DOCK8: variants seen among roughly 807,000 people sequenced by gnomAD.
DOCK8 encodes dedicator of cytokinesis protein 8.
A neutral mutation model predicts 245.6 loss-of-function variants in DOCK8; 141 were observed. The ratio of observed to expected loss-of-function variants is 0.57; its 90% CI spans 0.50 to 0.66. The LOEUF (loss-of-function observed/expected upper bound fraction) is 0.66, where lower values mean the gene tolerates loss of function less well. Among genes scored for constraint, DOCK8 ranks in the 30% least tolerant of loss-of-function variants. DOCK8 has a pLI of 0.00. For missense variants in DOCK8, 2,965 were observed against 2,603.4 expected (o/e 1.14, Z -3.02); for synonymous variants, 1,168 against 970.2 (o/e 1.20, Z -3.79).
At chr9:310,973 A>C (rs2050082463) in intron 5 of DOCK8, among the ~76,000 whole-genome samples, 1 of 152,134 alleles carries the variant, frequency 6.6e-6, no homozygotes, top group African/African-American at 2.4e-5. Context: ...CATATTAGAT[A>C]GCAGCCAAAA....
chr9:310,693 TCA>T, intron 5 of DOCK8, among the ~76,000 whole-genome samples: 2 of 152,246 alleles, frequency 1.3e-5, no homozygotes, highest in African/African-American at 4.8e-5. Context: ...ACTCCTGACC[TCA>T]GGTGATCCGC....
chr9:433,745 C>T (rs897491005), intron 37 of DOCK8, 130 bp from the exon 38 acceptor site: 43 of 761,038 alleles, frequency 5.7e-5, no homozygotes, highest in African/African-American at 1.4e-4. Context: ...TAGATGACTC[C>T]GCCATCCCTA....
chr9:311,278 C>T (rs1228798557), intron 5 of DOCK8, among the ~76,000 whole-genome samples: 3 of 139,978 alleles, frequency 2.1e-5, no homozygotes, highest in African/African-American at 5.7e-5. Flanking sequence ...CAGCAAGACT[C>T]GGTCTTTAAA....
Position 328,170 on chromosome 9 carries a change from A to G in DOCK8, c.1043A>G (p.Lys348Arg), listed in dbSNP as rs750791510. 23 of 1,613,372 alleles carry G rather than the reference A, an allele frequency of 1.4e-5. No individual in the cohort carries two copies. Among genetic ancestry groups the G allele is most frequent in the East Asian group, 1.1e-4 (5 of 44,832 alleles). Residue 348 changes from lysine (K) to arginine (R), a missense_variant and splice_region_variant, in exon 9 of 48, where the codon AAG becomes AGG. Coordinates refer to ENST00000432829, the MANE Select transcript of DOCK8 (RefSeq NM_203447.4). ...YPSSDIYLVVKIEKVLQQGEI... is the reference protein window; with the variant it reads ...YPSSDIYLVVRIEKVLQQGEI... The stretch of plus-strand genomic sequence containing the variant: ...TCCTCAGACATCTACCTGGTAGTCA[A>G]GGTAATTCAGTACGATCTGATTTGC...
intron 1 of DOCK8, among the ~76,000 whole-genome samples, chr9:242,589 C>T (rs975478609): frequency 6.6e-6 from 1 of 152,142 alleles, no homozygotes; most frequent in Non-Finnish European, 1.5e-5. Flanking sequence ...TAAGAGTGTT[C>T]TTATTCTCCC....
At chr9:297,663 T>A (rs775211209) in intron 4 of DOCK8, among the ~76,000 whole-genome samples, 2 of 152,144 alleles carry the variant, frequency 1.3e-5, no homozygotes, top group African/African-American at 2.4e-5. Context: ...CAGTGATGGT[T>A]CCTTCTGTGG....
At chr9:435,039 G>A in intron 39 of DOCK8, 64 bp downstream of exon 39, 1 of 1,584,860 alleles carries the variant, frequency 6.3e-7, no homozygotes, top group Non-Finnish European at 8.6e-7. Flanking sequence ...TTGTCCCCCA[G>A]CCCCAGGGAC....
At chr9:448,011 A>C (rs2131853172) in intron 44 of DOCK8, among the ~76,000 whole-genome samples, 1 of 86,324 alleles carries the variant, frequency 1.2e-5, no homozygotes, top group East Asian at 2.2e-3. Context: ...GCATTTCAAA[A>C]CCTTTTCTTT....
intron 26 of DOCK8, among the ~76,000 whole-genome samples, chr9:400,064 T>TC (rs2054724132): frequency 6.2e-5 from 1 of 16,220 alleles, no homozygotes; most frequent in African/African-American, 3.7e-4. Flanking sequence ...ACCACCTCCT[T>TC]CACCATCACC....
intron 2 of DOCK8, among the ~76,000 whole-genome samples, chr9:278,387 C>T (rs528704500): frequency 2.0e-5 from 3 of 152,354 alleles, no homozygotes; most frequent in African/African-American, 4.8e-5. Flanking sequence ...CTTACTCATT[C>T]GTTTTAGAAA....
At chr9:398,494 C>A (rs1433258439) in intron 25 of DOCK8, among the ~76,000 whole-genome samples, 2 of 152,150 alleles carry the variant, frequency 1.3e-5, no homozygotes, top group South Asian at 2.1e-4. Flanking sequence ...TCCCAGATTG[C>A]TCTGAAGCAC....
intron 1 of DOCK8, among the ~76,000 whole-genome samples, chr9:258,345 T>C (rs2047830261): frequency 8.0e-6 from 1 of 124,932 alleles, no homozygotes. Flanking sequence ...ATATACAGCA[T>C]GTGGCCTCTA....
At chr9:412,784 G>A (rs1224452007) in intron 28 of DOCK8, among the ~76,000 whole-genome samples, 1 of 151,358 alleles carries the variant, frequency 6.6e-6, no homozygotes, top group Non-Finnish European at 1.5e-5. Flanking sequence ...GATATCATAT[G>A]TTCATGAATC....
At chr9:235,491 C>A (rs995460775) in intron 1 of DOCK8, among the ~76,000 whole-genome samples, 1 of 152,220 alleles carries the variant, frequency 6.6e-6, no homozygotes, top group Non-Finnish European at 1.5e-5. Context: ...GCCCTGCCCC[C>A]AGAAGTGGAG....
intron 37 of DOCK8, among the ~76,000 whole-genome samples, 190 bp downstream of exon 37, chr9:432,514 A>G (rs2056755967): frequency 6.6e-6 from 1 of 152,220 alleles, no homozygotes; most frequent in Admixed American, 6.5e-5. Flanking sequence ...CACTGTCCCC[A>G]GTCTCAATAT....
chr9:370,198 G>C (rs746873308), intron 15 of DOCK8, 32 bp from the exon 16 acceptor site: 1 of 1,579,146 alleles, frequency 6.3e-7, no homozygotes, highest in African/African-American at 1.3e-5. Flanking sequence ...AAATGTTACT[G>C]ATAATTTGAT....
chr9:215,359 C>G (rs574415968), intron 1 of DOCK8: 1 of 1,598,784 alleles, frequency 6.3e-7, no homozygotes, highest in South Asian at 1.1e-5. Context: ...TGATAGGCGC[C>G]TGGGTAACCG....
At chr9:394,888 C>T (rs1461095467) in intron 24 of DOCK8, among the ~76,000 whole-genome samples, 3 of 152,126 alleles carry the variant, frequency 2.0e-5, no homozygotes, top group Non-Finnish European at 2.9e-5. Flanking sequence ...TGGAAAGAGG[C>T]CATTGGTTGG....
chr9:215,396 T>G (rs1264709056), intron 1 of DOCK8: 2 of 1,560,846 alleles, frequency 1.3e-6, no homozygotes, highest in Non-Finnish European at 8.6e-7. Context: ...GAGTGTCTCA[T>G]AAACGGCTCC....
Sources: allele counts gnomAD v4.1 joint callset (sites outside exome capture counted in the v4.1 genomes callset), GRCh38; gene constraint gnomAD v4.1.1; transcripts MANE v1.5; gene names NCBI Gene and HGNC (gene_info 2026-07-23, HGNC 2026-07-21).